Variants in MAST4 observed in about 807,000 individuals in gnomAD.
MAST4 encodes microtubule-associated serine/threonine-protein kinase 4.
MAST4 carries 89 observed loss-of-function variants against 162.7 expected under a neutral mutation model. The observed-to-expected ratio is 0.55, with a 90% CI of 0.46 to 0.65. The LOEUF is 0.65. Among genes scored for constraint, MAST4 ranks in the 30% least tolerant of loss-of-function variants. The pLI is 0.00. For synonymous variants in MAST4, 1,479 were observed against 1,361.1 expected (o/e 1.09, Z -1.91); for missense variants, 3,153 against 3,374.0 (o/e 0.93, Z 1.62).
chr5:67,082,502 A>G (rs1561628515), intron 5 of MAST4, among the ~76,000 whole-genome samples: 1 of 152,196 alleles, frequency 6.6e-6, no homozygotes, highest in Non-Finnish European at 1.5e-5. Context: ...TTCAGACTGA[A>G]TGAAACCAGA....
intron 3 of MAST4, among the ~76,000 whole-genome samples, chr5:66,836,129 C>T (rs535618901): frequency 6.6e-6 from 1 of 151,796 alleles, no homozygotes; most frequent in African/African-American, 2.4e-5. Flanking sequence ...TGTGTTCGTG[C>T]CACTGCACTC....
intron 1 of MAST4, among the ~76,000 whole-genome samples, chr5:66,602,374 G>C (rs1406720146): frequency 6.6e-6 from 1 of 152,160 alleles, no homozygotes; most frequent in Non-Finnish European, 1.5e-5. Context: ...AAAGAACGAA[G>C]GCTTTTACCC....
intron 3 of MAST4, among the ~76,000 whole-genome samples, chr5:66,801,992 C>T (rs1369606112): frequency 6.6e-6 from 1 of 152,112 alleles, no homozygotes; most frequent in African/African-American, 2.4e-5. Flanking sequence ...ATGTAAAAGA[C>T]AGAAACAAAT....
chr5:67,036,572 A>G (rs1483035048), intron 4 of MAST4, among the ~76,000 whole-genome samples: 1 of 152,170 alleles, frequency 6.6e-6, no homozygotes, highest in Non-Finnish European at 1.5e-5. Context: ...ATGACATAGT[A>G]TTTGTATATA....
At chr5:66,962,765 T>C (rs894623408) in intron 4 of MAST4, among the ~76,000 whole-genome samples, 1 of 152,142 alleles carries the variant, frequency 6.6e-6, no homozygotes, top group Non-Finnish European at 1.5e-5. Flanking sequence ...GAGTTTCTAT[T>C]GCTCACTTCA....
chr5:66,981,119 G>A lies in MAST4; in HGVS notation c.675-73285G>A, dbSNP rs146527423. Among the ~76,000 whole-genome samples the A allele has an allele frequency of 2.0e-3, 298 of 152,264 alleles. 1 individual carries two copies. The highest frequency in any genetic ancestry group is 0.014 in the Middle Eastern group (4 of 294). ...TAAAGTCATAAGTTTGTAACCCTGT[G>A]CCTTTTCCATTTACCTCATAATATG... On this transcript the variant is annotated intron_variant, in intron 4 of 28. Transcript: ENST00000403625.
chr5:66,765,830 T>C (rs565253420), intron 2 of MAST4, among the ~76,000 whole-genome samples: 3 of 152,310 alleles, frequency 2.0e-5, no homozygotes, highest in African/African-American at 7.2e-5. Context: ...GGCATTAGAT[T>C]AAAGACGAGA....
intron 1 of MAST4, among the ~76,000 whole-genome samples, chr5:66,655,902 C>T (rs1156597556): frequency 3.3e-5 from 5 of 152,132 alleles, no homozygotes; most frequent in African/African-American, 1.2e-4. Context: ...AAATTGCAGT[C>T]CACAAACTGT....
chr5:66,600,416 T>C (rs144484131), intron 1 of MAST4, among the ~76,000 whole-genome samples: 131 of 152,350 alleles, frequency 8.6e-4, no homozygotes, highest in African/African-American at 2.9e-3. Context: ...GCCTTGTCCT[T>C]TTCCAAAACA....
intron 2 of MAST4, among the ~76,000 whole-genome samples, chr5:66,764,829 T>A (rs532468228): frequency 1.3e-5 from 2 of 152,250 alleles, no homozygotes; most frequent in African/African-American, 4.8e-5. Flanking sequence ...AAGAAAAATA[T>A]CTTTTAAATC....
At chr5:66,965,927 A>G (rs1746672562) in intron 4 of MAST4, among the ~76,000 whole-genome samples, 2 of 152,214 alleles carry the variant, frequency 1.3e-5, no homozygotes. Flanking sequence ...TTTAGGCAGA[A>G]ACTCCAATGA....
rs1757389555 is a variant in MAST4, at chr5:66,828,635, C to T, written c.642+39841C>T. ...TGCATTAGGTGTCTGAGCCCACTTGCTGCTCTCTCCCACCGAACTGCAAGC... is the reference window on the plus strand; with the variant it reads ...TGCATTAGGTGTCTGAGCCCACTTGTTGCTCTCTCCCACCGAACTGCAAGC... On this transcript the variant is annotated intron_variant, in intron 3 of 28. Coordinates refer to ENST00000403625, the MANE Select transcript of MAST4 (RefSeq NM_001164664.2). 3 of 611,360 alleles carry T rather than the reference C, an allele frequency of 4.9e-6. No homozygotes were observed. In the Admixed American group the frequency reaches 8.6e-5, roughly 18 times the overall value. The allele number at this position is 611,360 out of a possible 1,614,324, so 37.9% of individuals were successfully genotyped here.
At chr5:66,926,315 A>G (rs993158862) in intron 4 of MAST4, among the ~76,000 whole-genome samples, 2 of 152,204 alleles carry the variant, frequency 1.3e-5, no homozygotes, top group African/African-American at 4.8e-5. Context: ...TGGGAGGCCA[A>G]GATGGGTGGA....
intron 11 of MAST4, among the ~76,000 whole-genome samples, chr5:67,110,458 G>A (rs1171240834): frequency 6.6e-6 from 1 of 152,132 alleles, no homozygotes; most frequent in African/African-American, 2.4e-5. Context: ...ATAAAATAAT[G>A]TACTTGACCT....
At chr5:66,856,724 C>T (rs1759711439) in intron 3 of MAST4, among the ~76,000 whole-genome samples, 1 of 152,184 alleles carries the variant, frequency 6.6e-6, no homozygotes, top group Admixed American at 6.5e-5. Context: ...ACAAAGACAG[C>T]CCTTATGCCC....
intron 1 of MAST4, among the ~76,000 whole-genome samples, chr5:66,728,229 C>T (rs748399203): frequency 2.6e-5 from 4 of 152,178 alleles, no homozygotes; most frequent in Non-Finnish European, 5.9e-5. Flanking sequence ...GAGCCTTTCT[C>T]ACTTTCATAT....
intron 4 of MAST4, among the ~76,000 whole-genome samples, chr5:66,943,134 T>G (rs1485430104): frequency 4.6e-5 from 7 of 152,072 alleles, no homozygotes; most frequent in Admixed American, 4.6e-4. Flanking sequence ...ATGCAAACAT[T>G]CAAACCATAG....
intron 1 of MAST4, among the ~76,000 whole-genome samples, chr5:66,690,226 A>T (rs947149013): frequency 1.3e-5 from 2 of 152,176 alleles, no homozygotes; most frequent in Non-Finnish European, 2.9e-5. Context: ...GAGAATTGTT[A>T]ATTTGAGGGT....
At chr5:66,831,864 G>C (rs1366809313) in intron 3 of MAST4, among the ~76,000 whole-genome samples, 2 of 152,124 alleles carry the variant, frequency 1.3e-5, no homozygotes, top group East Asian at 3.8e-4. Flanking sequence ...CTTGTACTTT[G>C]GGCAATTTGA....
Sources: allele counts gnomAD v4.1 joint callset (sites outside exome capture counted in the v4.1 genomes callset), GRCh38; gene constraint gnomAD v4.1.1; transcripts MANE v1.5; gene names NCBI Gene and HGNC (gene_info 2026-07-23, HGNC 2026-07-21).